DCT: variants seen among roughly 807,000 people sequenced by gnomAD.
The protein encoded by DCT is L-dopachrome tautomerase.
In DCT, 47 loss-of-function variants were observed where a neutral mutation model predicts 53.0. That is an observed-to-expected ratio of 0.89 (90% CI 0.70 to 1.13). DCT has a LOEUF of 1.13. Among genes scored for constraint, DCT ranks in the 50% most tolerant of loss-of-function variants. The pLI is 0.00. For missense variants in DCT, 669 were observed against 637.4 expected (o/e 1.05, Z -0.53); for synonymous variants, 244 against 237.0 (o/e 1.03, Z -0.27).
At chr13:94,489,934 T>C in the DCT span, among the ~76,000 whole-genome samples, 1,011 of 152,328 alleles carry the variant, frequency 6.6e-3, 14 homozygotes, top group African/African-American at 0.023. Context: ...TCTTAGATTC[T>C]GCTTAGTCAA....
At chr13:94,458,010 C>A (rs1282340188) in intron 6 of DCT, among the ~76,000 whole-genome samples, 1 of 152,098 alleles carries the variant, frequency 6.6e-6, no homozygotes, top group East Asian at 1.9e-4. Flanking sequence ...CGGATCAGGA[C>A]AAAAACAAGA....
the DCT span, among the ~76,000 whole-genome samples, chr13:94,508,035 A>G: frequency 6.6e-6 from 1 of 152,236 alleles, no homozygotes; most frequent in Non-Finnish European, 1.5e-5. Flanking sequence ...TTACTATGGC[A>G]TACATAGGCA....
the DCT span, among the ~76,000 whole-genome samples, chr13:94,517,177 C>T: frequency 6.6e-6 from 1 of 152,166 alleles, no homozygotes; most frequent in Non-Finnish European, 1.5e-5. Context: ...CTCTTCCACC[C>T]TTTTTATTCC....
At chr13:94,470,790 G>A (rs1003556077) in intron 1 of DCT, among the ~76,000 whole-genome samples, 2 of 152,100 alleles carry the variant, frequency 1.3e-5, no homozygotes, top group Non-Finnish European at 2.9e-5. Context: ...GTCGGGGTTC[G>A]GGTCAGTTAC....
At chr13:94,450,979 C>A (rs1883042387) in intron 6 of DCT, among the ~76,000 whole-genome samples, 1 of 152,126 alleles carries the variant, frequency 6.6e-6, no homozygotes, top group South Asian at 2.1e-4. Flanking sequence ...ATATAGTATG[C>A]ATTTATCCTT....
chr13:94,465,966 TTTTATATATATATATA>T (rs1884167637), intron 3 of DCT, among the ~76,000 whole-genome samples, 167 bp from the exon 4 acceptor site: 1 of 94,682 alleles, frequency 1.1e-5, no homozygotes. Context: ...TGTGTGTATA[TTTTATATATATATATA>T]TATATATATA....
the DCT span, among the ~76,000 whole-genome samples, chr13:94,512,734 A>G: frequency 6.6e-6 from 1 of 151,978 alleles, no homozygotes; most frequent in Admixed American, 6.6e-5. Flanking sequence ...ACACACACAC[A>G]TATATACATA....
chr13:94,488,733 C>CAA, the DCT span, among the ~76,000 whole-genome samples: 5 of 44,740 alleles, frequency 1.1e-4, no homozygotes, highest in Non-Finnish European at 2.6e-4. Flanking sequence ...TACACACACA[C>CAA]ACACACACAC....
intron 6 of DCT, among the ~76,000 whole-genome samples, chr13:94,450,877 C>A (rs758790083): frequency 6.6e-6 from 1 of 152,126 alleles, no homozygotes; most frequent in Non-Finnish European, 1.5e-5. Context: ...ATGCTAGAAC[C>A]ATCTTAGATT....
At chr13:94,455,490 T>C (rs983504973) in intron 6 of DCT, among the ~76,000 whole-genome samples, 1 of 151,940 alleles carries the variant, frequency 6.6e-6, no homozygotes, top group Non-Finnish European at 1.5e-5. Context: ...AATTAAAGCC[T>C]GAGGGCCAAA....
chr13:94,487,467 G>A, the DCT span, among the ~76,000 whole-genome samples: 1 of 152,228 alleles, frequency 6.6e-6, no homozygotes, highest in Non-Finnish European at 1.5e-5. Flanking sequence ...GAATTTGTAA[G>A]TGGATGATGC....
upstream of DCT, among the ~76,000 whole-genome samples, chr13:94,484,401 G>A (rs1164657280): frequency 6.6e-6 from 1 of 152,212 alleles, no homozygotes; most frequent in Admixed American, 6.5e-5. Context: ...TTTTCATATA[G>A]CTTTCACAAG....
At chr13:94,497,646 G>A in the DCT span, among the ~76,000 whole-genome samples, 1 of 152,112 alleles carries the variant, frequency 6.6e-6, no homozygotes, top group Non-Finnish European at 1.5e-5. Context: ...AAGTGTAAGT[G>A]GGTCATCATA....
At chr13:94,508,910 T>C in the DCT span, among the ~76,000 whole-genome samples, 4 of 152,190 alleles carry the variant, frequency 2.6e-5, no homozygotes, top group African/African-American at 9.7e-5. Context: ...GTACTTAAAT[T>C]AAACGACTTT....
At chr13:94,472,871 C>A (rs976148076) in intron 1 of DCT, among the ~76,000 whole-genome samples, 1 of 151,824 alleles carries the variant, frequency 6.6e-6, no homozygotes, top group Admixed American at 6.6e-5. Context: ...CATGAGCCAC[C>A]GCACCCTGCC....
chr13:94,460,350 A>C (rs1349249846), intron 5 of DCT, 124 bp from the exon 6 acceptor site: 1 of 846,344 alleles, frequency 1.2e-6, no homozygotes, highest in East Asian at 2.6e-5. Flanking sequence ...AAGCTCTGTC[A>C]TAGCAAATTG....
At chr13:94,501,447 T>A in the DCT span, among the ~76,000 whole-genome samples, 1 of 152,130 alleles carries the variant, frequency 6.6e-6, no homozygotes, top group African/African-American at 2.4e-5. Flanking sequence ...AAGTAAGTTG[T>A]CCTTTCTAGT....
upstream of DCT, among the ~76,000 whole-genome samples, chr13:94,480,422 A>T (rs997644234): frequency 6.6e-6 from 1 of 152,154 alleles, no homozygotes; most frequent in Non-Finnish European, 1.5e-5. Context: ...ATTTTTTCAC[A>T]GTGGAAACAG....
intron 6 of DCT, among the ~76,000 whole-genome samples, chr13:94,449,882 T>C (rs1456809735): frequency 6.6e-6 from 1 of 152,174 alleles, no homozygotes; most frequent in East Asian, 1.9e-4. Context: ...AACTAAGCTC[T>C]GCCACAAGGA....
Sources: allele counts gnomAD v4.1 joint callset (sites outside exome capture counted in the v4.1 genomes callset), GRCh38; gene constraint gnomAD v4.1.1; transcripts MANE v1.5; gene names NCBI Gene and HGNC (gene_info 2026-07-23, HGNC 2026-07-21).